ADCY2: variants seen among roughly 807,000 people sequenced by gnomAD.
ADCY2 encodes adenylate cyclase type 2.
A neutral mutation model predicts 125.2 loss-of-function variants in ADCY2; 31 were observed. The ratio of observed to expected loss-of-function variants is 0.25; its 90% CI spans 0.19 to 0.33. The LOEUF is 0.33. Ranked by LOEUF, ADCY2 falls within the 10% of genes least tolerant of loss-of-function variation. ADCY2 has a pLI of 1.00. For synonymous variants in ADCY2, 512 were observed against 548.4 expected (o/e 0.93, Z 0.93); for missense variants, 904 against 1,418.2 (o/e 0.64, Z 5.82).
rs540009814 is a variant in ADCY2 at position 7,828,867 on chromosome 5, G to C, written c.*1996G>C. 1.2e-4 allele frequency: 18 copies of C among 152,384 alleles called. No individual in the cohort carries two copies. In the South Asian group the frequency reaches 2.7e-3, roughly 23 times the overall value. The allele number at this position is 152,384 out of a possible 1,614,324, so 9.4% of individuals were successfully genotyped here. A position where few individuals can be genotyped will look rare whatever the true frequency, so the allele number is the denominator to read the frequency against. On this transcript the variant is annotated 3_prime_UTR_variant, in exon 25 of 25. Transcript: ENST00000338316. ...CTACACTCATCCGCAGGTCACCTTAGTTCACCTACCCTGAGTGAACACCCC... is the reference window on the plus strand; with the variant it reads ...CTACACTCATCCGCAGGTCACCTTACTTCACCTACCCTGAGTGAACACCCC...
At chr5:7,643,697 G>A (rs1341604720) in intron 4 of ADCY2, among the ~76,000 whole-genome samples, 1 of 151,646 alleles carries the variant, frequency 6.6e-6, no homozygotes, top group Non-Finnish European at 1.5e-5. Context: ...GCTTTTTGGA[G>A]AAATAAATAT....
chr5:7,620,212 C>T (rs993817383), intron 3 of ADCY2, among the ~76,000 whole-genome samples: 2 of 152,144 alleles, frequency 1.3e-5, no homozygotes, highest in African/African-American at 4.8e-5. Context: ...TTAATAGCAA[C>T]AGATGTGGTA....
In ADCY2 at chr5:7,706,885, A is replaced by G. The variant is rs759196362; in HGVS notation, c.1251A>G (p.Glu417=). 7 of 1,614,176 alleles carry G rather than the reference A, an allele frequency of 4.3e-6. No individual in the cohort carries two copies. Among genetic ancestry groups the G allele is most frequent in the Non-Finnish European group, 5.9e-6 (7 of 1,180,014 alleles). The change falls in exon 8 of 25, where the codon GAA becomes GAG. Residue 417 remains glutamate (E), a synonymous_variant. Transcript: ENST00000338316. The part of the protein sequence containing the change: ...SHDVTLANHM[E]AGGVPGRVHI... Reference sequence around the variant, plus strand: ...ATGTGACCTTGGCCAACCACATGGAAGCTGGAGGGGTCCCTGGGTAAGGCC... The same window carrying G: ...ATGTGACCTTGGCCAACCACATGGAGGCTGGAGGGGTCCCTGGGTAAGGCC...
intron 3 of ADCY2, among the ~76,000 whole-genome samples, chr5:7,550,729 G>A (rs1735302895): frequency 6.6e-6 from 1 of 152,082 alleles, no homozygotes; most frequent in Non-Finnish European, 1.5e-5. Context: ...ACTTACCTGA[G>A]GCAGCGCCCA....
intron 24 of ADCY2, among the ~76,000 whole-genome samples, chr5:7,822,323 C>T (rs1745327077): frequency 6.6e-6 from 1 of 152,174 alleles, no homozygotes; most frequent in South Asian, 2.1e-4. Context: ...TGAACCCACA[C>T]CCAAATCCAC....
intron 3 of ADCY2, among the ~76,000 whole-genome samples, chr5:7,584,455 C>T (rs1175591463): frequency 1.3e-5 from 2 of 151,926 alleles, no homozygotes; most frequent in Non-Finnish European, 2.9e-5. Context: ...AATAAGGACA[C>T]TAGTATGGCT....
At chr5:7,559,324 AT>A (rs1362472225) in intron 3 of ADCY2, among the ~76,000 whole-genome samples, 1 of 152,064 alleles carries the variant, frequency 6.6e-6, no homozygotes, top group Non-Finnish European at 1.5e-5. Flanking sequence ...ATGTTTTTCC[AT>A]TTGTTTGTGT....
Position 7,766,673 on chromosome 5 carries a change from C to T in ADCY2, c.2095-14C>T. ...ATTTACATTAATTCATTGAAAAAAA[C>T]CTTCTCTTTGCAGTTTTTCCTGAGT... On this transcript the variant is annotated splice_polypyrimidine_tract_variant and intron_variant, in intron 16 of 24. Transcript: ENST00000338316. The T allele has an allele frequency of 1.9e-6, 3 of 1,609,044 alleles. No individual in the cohort carries two copies. The highest frequency in any genetic ancestry group is 2.5e-6 in the Non-Finnish European group (3 of 1,178,642).
chr5:7,800,069 A>G (rs1016071674), intron 20 of ADCY2: 1 of 152,198 alleles, frequency 6.6e-6, no homozygotes, highest in Non-Finnish European at 1.5e-5. Context: ...AGTATAAAGT[A>G]TAGTATTTAC....
intron 3 of ADCY2, among the ~76,000 whole-genome samples, chr5:7,536,320 T>A: frequency 6.6e-6 from 1 of 151,490 alleles, no homozygotes; most frequent in Non-Finnish European, 1.5e-5. Context: ...GTAGGGCAGA[T>A]TTGGCCATTA....
chr5:7,594,639 A>G (rs1490561443), intron 3 of ADCY2, among the ~76,000 whole-genome samples: 1 of 152,196 alleles, frequency 6.6e-6, no homozygotes, highest in Non-Finnish European at 1.5e-5. Flanking sequence ...TATTGTCCCC[A>G]ACCAAAACAT....
chr5:7,663,143 C>G (rs1370813380), intron 4 of ADCY2, among the ~76,000 whole-genome samples: 1 of 152,172 alleles, frequency 6.6e-6, no homozygotes, highest in Non-Finnish European at 1.5e-5. Context: ...TAGCAGAATT[C>G]TTAATACTAC....
intron 3 of ADCY2, among the ~76,000 whole-genome samples, chr5:7,576,265 C>T (rs1736245352): frequency 6.6e-6 from 1 of 152,194 alleles, no homozygotes; most frequent in Non-Finnish European, 1.5e-5. Flanking sequence ...AATCTTCAGC[C>T]TCGGTTTATG....
intron 2 of ADCY2, among the ~76,000 whole-genome samples, chr5:7,419,852 G>A (rs1740123851): frequency 6.6e-6 from 1 of 152,206 alleles, no homozygotes; most frequent in South Asian, 2.1e-4. Context: ...TCTGGACCCA[G>A]TGCCAGACCC....
intron 16 of ADCY2, among the ~76,000 whole-genome samples, chr5:7,764,896 A>C (rs374407178): frequency 6.6e-6 from 1 of 152,228 alleles, no homozygotes; most frequent in African/African-American, 2.4e-5. Context: ...AGACGGAGGA[A>C]GGGAAGCTGA....
chr5:7,578,798 G>A (rs1227333465), intron 3 of ADCY2, among the ~76,000 whole-genome samples: 1 of 152,110 alleles, frequency 6.6e-6, no homozygotes, highest in Non-Finnish European at 1.5e-5. Context: ...GCTCCCAACA[G>A]AGTAAGTTCC....
intron 18 of ADCY2, among the ~76,000 whole-genome samples, chr5:7,776,430 C>T (rs915328616): frequency 1.3e-5 from 2 of 152,176 alleles, no homozygotes; most frequent in Non-Finnish European, 2.9e-5. Context: ...CTTGCCTTCT[C>T]TCTTCTGTTC....
chr5:7,444,034 C>G (rs777273876), intron 2 of ADCY2, among the ~76,000 whole-genome samples: 48 of 151,840 alleles, frequency 3.2e-4, no homozygotes, highest in Non-Finnish European at 5.9e-4. Flanking sequence ...GGTAAATCTT[C>G]CTCATACCTG....
At position 7,802,921 on chromosome 5, in the gene ADCY2, C is replaced by T. The variant is rs781707945; in HGVS notation, c.2775+557C>T. Among the ~76,000 whole-genome samples, 5 of 152,162 alleles carry T rather than the reference C, an allele frequency of 3.3e-5. No individual in the cohort carries two copies. The highest frequency in any genetic ancestry group is 7.3e-5 in the Non-Finnish European group (5 of 68,036). ...TGTTCTATTTCCCAGTAAGAACAAA[C>T]GCCCCTCTGGTTTAAGGATATTGCA... On this transcript the variant is annotated intron_variant, in intron 21 of 24. Transcript: ENST00000338316. This position sits in a 1 kb window ranked among gnomAD's most constrained non-coding sequence, Gnocchi z 4.6.
Sources: allele counts gnomAD v4.1 joint callset (sites outside exome capture counted in the v4.1 genomes callset), GRCh38; gene constraint gnomAD v4.1.1; non-coding constraint Gnocchi (gnomAD v3.1); transcripts MANE v1.5; gene names NCBI Gene and HGNC (gene_info 2026-07-23, HGNC 2026-07-21).